Variants in ZFAT observed in about 807,000 individuals in gnomAD.
The protein encoded by ZFAT is zinc finger and AT-hook domain containing.
ZFAT carries 64 observed loss-of-function variants against 117.7 expected under a neutral mutation model. The observed-to-expected ratio is 0.54, with a 90% confidence interval of 0.44 to 0.67. The LOEUF (loss-of-function observed/expected upper bound fraction) is 0.67. Ranked by LOEUF, ZFAT falls within the 30% of genes least tolerant of loss-of-function variation. ZFAT has a pLI of 0.00. For synonymous variants in ZFAT, 679 were observed against 615.0 expected (o/e 1.10, Z -1.54); for missense variants, 1,433 against 1,584.5 (o/e 0.90, Z 1.62).
chr8:134,670,362 C>T (rs1832495463), intron 1 of ZFAT, among the ~76,000 whole-genome samples: 1 of 152,216 alleles, frequency 6.6e-6, no homozygotes, highest in African/African-American at 2.4e-5. Context: ...GTAAAGCACT[C>T]CTCAGCAAAT....
intron 14 of ZFAT, chr8:134,510,920 CA>C (rs144759112): frequency 0.03 from 4,590 of 152,352 alleles, 99 homozygotes; most frequent in Middle Eastern, 0.065. Context: ...AATTAGGAAA[CA>C]GTGCAGAAAA....
At chr8:134,790,940 A>G in the ZFAT span, among the ~76,000 whole-genome samples, 1 of 152,174 alleles carries the variant, frequency 6.6e-6, no homozygotes, top group Non-Finnish European at 1.5e-5. Context: ...ACTTGAGCCC[A>G]GGAAATTGAG....
chr8:134,700,649 G>T (rs575869800), intron 1 of ZFAT, among the ~76,000 whole-genome samples: 1 of 152,286 alleles, frequency 6.6e-6, no homozygotes, highest in African/African-American at 2.4e-5. Context: ...TGGCCAGTCC[G>T]GGGGGAGGCA....
the ZFAT span, among the ~76,000 whole-genome samples, chr8:134,812,043 C>G: frequency 6.6e-6 from 1 of 152,228 alleles, no homozygotes; most frequent in South Asian, 2.1e-4. Flanking sequence ...ACTCGAGAAG[C>G]TGACACAGGA....
chr8:134,758,971 T>C, the ZFAT span, among the ~76,000 whole-genome samples: 39 of 152,274 alleles, frequency 2.6e-4, no homozygotes, highest in Admixed American at 2.2e-3. Context: ...GGATCCATGA[T>C]CCACAGCCCA....
chr8:134,827,299 C>T, the ZFAT span, among the ~76,000 whole-genome samples: 54 of 152,146 alleles, frequency 3.5e-4, no homozygotes, highest in Middle Eastern at 0.01. Flanking sequence ...CCCATCTCGG[C>T]CTCCCAAAGT....
chr8:134,484,992 C>A (rs1053526185), intron 15 of ZFAT, among the ~76,000 whole-genome samples: 1 of 152,092 alleles, frequency 6.6e-6, no homozygotes, highest in Non-Finnish European at 1.5e-5. Context: ...ATGGAGACAT[C>A]ATCATCAGGA....
the ZFAT span, among the ~76,000 whole-genome samples, chr8:134,755,913 C>T: frequency 6.6e-6 from 1 of 152,066 alleles, no homozygotes; most frequent in African/African-American, 2.4e-5. Context: ...AATCACCTCC[C>T]TTATGCAGAG....
the ZFAT span, among the ~76,000 whole-genome samples, chr8:134,776,756 T>G: frequency 6.6e-6 from 1 of 152,190 alleles, no homozygotes; most frequent in Non-Finnish European, 1.5e-5. Flanking sequence ...CACCTTCATA[T>G]CATTTGGAAT....
chr8:134,662,502 CT>C (rs1011346020), intron 1 of ZFAT, among the ~76,000 whole-genome samples: 3 of 152,128 alleles, frequency 2.0e-5, no homozygotes, highest in African/African-American at 7.2e-5. Context: ...TGAGATTTCC[CT>C]AACATGGCCA....
chr8:134,633,882 T>C (rs1830042192), intron 3 of ZFAT, among the ~76,000 whole-genome samples: 2 of 152,070 alleles, frequency 1.3e-5, no homozygotes, highest in African/African-American at 4.8e-5. Flanking sequence ...CCATCTCTAC[T>C]AAAAATACAA....
intron 10 of ZFAT, among the ~76,000 whole-genome samples, chr8:134,567,230 C>T (rs945399334): frequency 3.3e-5 from 5 of 152,216 alleles, no homozygotes; most frequent in African/African-American, 1.2e-4. Flanking sequence ...TCCATCTGAT[C>T]ACCTACATCA....
intron 10 of ZFAT, among the ~76,000 whole-genome samples, chr8:134,580,632 G>A (rs1232128902): frequency 6.6e-6 from 1 of 152,162 alleles, no homozygotes; most frequent in South Asian, 2.1e-4. Flanking sequence ...AGAACAGCTT[G>A]AAAAATAAGG....
At chr8:134,567,677 C>T (rs1824571781) in intron 10 of ZFAT, among the ~76,000 whole-genome samples, 1 of 152,240 alleles carries the variant, frequency 6.6e-6, no homozygotes, top group East Asian at 1.9e-4. Context: ...TCAGAACCAA[C>T]TCTCCCCAAC....
intron 13 of ZFAT, among the ~76,000 whole-genome samples, chr8:134,518,019 T>C (rs547888064): frequency 3.5e-4 from 53 of 152,308 alleles, no homozygotes; most frequent in African/African-American, 9.4e-4. Flanking sequence ...TTAACAAATA[T>C]TTGGAAGGAG....
At chr8:134,825,207 T>C in the ZFAT span, among the ~76,000 whole-genome samples, 1 of 152,218 alleles carries the variant, frequency 6.6e-6, no homozygotes, top group Non-Finnish European at 1.5e-5. Context: ...CTCCTGACTC[T>C]TCACAGTGAG....
intron 1 of ZFAT, among the ~76,000 whole-genome samples, chr8:134,690,906 C>A (rs923601518): frequency 6.6e-6 from 1 of 152,194 alleles, no homozygotes; most frequent in Non-Finnish European, 1.5e-5. Flanking sequence ...TAGGTGCAAT[C>A]AGAAATGAGG....
rs764492068 is a variant in ZFAT at position 134,602,628 on chromosome 8, G to A, written c.1091C>T (p.Ser364Phe). 6.2e-7 allele frequency: 1 copy of A among 1,614,200 alleles called. No homozygotes were observed. The highest frequency in any genetic ancestry group is 8.5e-7 in the Non-Finnish European group (1 of 1,180,048). ...GTGCTTGATGAGGTTCTTGACGTCA[G>A]AGTACTTCTTCTTGCAGAAGCGGCA... The part of the protein sequence containing the change: ...QHCRFCKKKY[S>F]DVKNLIKHIR... Residue 364 changes from serine (S) to phenylalanine (F), a missense_variant, in exon 6 of 16, where the codon TCT becomes TTT. This residue lies in a region of ZFAT where 436 missense variants were observed against 482.0 expected (regional missense o/e 0.90). Coordinates refer to ENST00000377838, the MANE Select transcript of ZFAT (RefSeq NM_020863.4).
chr8:134,502,572 G>T (rs1267644737), intron 15 of ZFAT, among the ~76,000 whole-genome samples: 1 of 152,190 alleles, frequency 6.6e-6, no homozygotes, highest in Non-Finnish European at 1.5e-5. Flanking sequence ...GCCCAGGGTG[G>T]GGGCTCTGCC....
Sources: allele counts gnomAD v4.1 joint callset (sites outside exome capture counted in the v4.1 genomes callset), GRCh38; gene constraint gnomAD v4.1.1; regional missense constraint gnomAD v4.1.1; transcripts MANE v1.5; gene names NCBI Gene and HGNC (gene_info 2026-07-23, HGNC 2026-07-21).